ATL2: variants seen among roughly 807,000 people sequenced by gnomAD.
ATL2 encodes atlastin-2.
ATL2 carries 31 observed loss-of-function variants against 73.9 expected under a neutral mutation model. The observed-to-expected ratio is 0.42, with a 90% CI of 0.32 to 0.57. ATL2 has a LOEUF of 0.57. ATL2 is among the 20% of genes least tolerant of loss of function. The pLI, the probability that ATL2 is intolerant of heterozygous loss-of-function variation, is 0.14. For synonymous variants in ATL2, 291 were observed against 237.5 expected (o/e 1.23, Z -2.07); for missense variants, 738 against 702.6 (o/e 1.05, Z -0.57).
intron 6 of ATL2, 34 bp from the exon 7 acceptor site, chr2:38,313,277 A>G: frequency 1.1e-5 from 16 of 1,487,914 alleles, no homozygotes; most frequent in Non-Finnish European, 1.5e-5. Context: ...TGTTTATTTT[A>G]CAATAAAGAA....
intron 1 of ATL2, among the ~76,000 whole-genome samples, chr2:38,364,215 T>C (rs1037482839): frequency 1.5e-4 from 23 of 152,080 alleles, no homozygotes; most frequent in African/African-American, 5.6e-4. Flanking sequence ...TGAGCCGAGA[T>C]TGTACCACTG....
At chr2:38,327,339 G>GT (rs1668721170) in intron 2 of ATL2, among the ~76,000 whole-genome samples, 1 of 151,976 alleles carries the variant, frequency 6.6e-6, no homozygotes, top group Non-Finnish European at 1.5e-5. Context: ...ATACGCTAAG[G>GT]TAACTGCACT....
intron 1 of ATL2, among the ~76,000 whole-genome samples, chr2:38,370,868 T>TG (rs1270784432): frequency 1.4e-5 from 2 of 139,536 alleles, no homozygotes; most frequent in Admixed American, 7.5e-5. Flanking sequence ...ATGGCGGGGG[T>TG]GGGGGGTGCA....
chr2:38,320,086 A>C (rs1220274902), intron 2 of ATL2, among the ~76,000 whole-genome samples: 3 of 152,106 alleles, frequency 2.0e-5, no homozygotes, highest in Non-Finnish European at 2.9e-5. Flanking sequence ...CAGCCTGGCC[A>C]AAAGAGCGAA....
chr2:38,303,412 C>T (rs1667285136), intron 9 of ATL2, among the ~76,000 whole-genome samples: 1 of 151,774 alleles, frequency 6.6e-6, no homozygotes, highest in Non-Finnish European at 1.5e-5. Flanking sequence ...CACCATGTTG[C>T]CCAGACTGGT....
chr2:38,323,995 G>A (rs939821142), intron 2 of ATL2, among the ~76,000 whole-genome samples: 3 of 152,222 alleles, frequency 2.0e-5, no homozygotes, highest in East Asian at 1.9e-4. Context: ...GATCCAAGTG[G>A]GCCGGTAAGG....
At chr2:38,300,369 A>G (rs1334964143) in intron 9 of ATL2, 41 bp from the exon 10 acceptor site, 1 of 1,428,548 alleles carries the variant, frequency 7.0e-7, no homozygotes, top group Non-Finnish European at 9.9e-7. Context: ...GGATTATGCA[A>G]TTTGGCTCCA....
rs561992226 is a variant in ATL2 at position 38,298,585 on chromosome 2, C to T, written c.1201-10G>A. On this transcript the variant is annotated splice_polypyrimidine_tract_variant and intron_variant, in intron 11 of 12. Coordinates refer to ENST00000378954, the MANE Select transcript of ATL2 (RefSeq NM_001135673.4). The stretch of plus-strand genomic sequence containing the variant: ...TGTCCCCTCCACATACCTGGACAGA[C>T]AGAATTACAGTATTACATGCTAGAA... 1.2e-6 allele frequency: 2 copies of T among 1,602,338 alleles called. No homozygotes were observed. The highest frequency in any genetic ancestry group is 1.3e-5 in the African/African-American group (1 of 74,284).
intron 1 of ATL2, among the ~76,000 whole-genome samples, chr2:38,364,788 T>C (rs1671211225): frequency 1.3e-5 from 2 of 152,234 alleles, no homozygotes; most frequent in South Asian, 2.1e-4. Context: ...CTTGCGCCTG[T>C]AATCCCAGCA....
At chr2:38,328,330 A>C (rs1668784597) in intron 2 of ATL2, among the ~76,000 whole-genome samples, 1 of 152,200 alleles carries the variant, frequency 6.6e-6, no homozygotes, top group African/African-American at 2.4e-5. Flanking sequence ...AATCAAATGG[A>C]TCTGACATTA....
At chr2:38,370,448 C>CAAAAAAAAAAAAAAAA (rs55964015) in intron 1 of ATL2, among the ~76,000 whole-genome samples, 1 of 55,188 alleles carries the variant, frequency 1.8e-5, no homozygotes, top group Non-Finnish European at 3.8e-5. Flanking sequence ...GACTCTGTCC[C>CAAAAAAAAAAAAAAAA]AAAAAAAAAA....
intron 2 of ATL2, among the ~76,000 whole-genome samples, chr2:38,338,511 T>C (rs999418876): frequency 4.7e-5 from 7 of 148,322 alleles, no homozygotes; most frequent in African/African-American, 1.8e-4. Flanking sequence ...CAAGTATAAA[T>C]GAGCCCACAC....
chr2:38,349,076 G>C (rs529686894), intron 1 of ATL2, among the ~76,000 whole-genome samples: 1 of 149,946 alleles, frequency 6.7e-6, no homozygotes, highest in Non-Finnish European at 1.5e-5. Context: ...CTGTTGGTGG[G>C]ACTGTAAACT....
chr2:38,331,081 G>T (rs1393481104), intron 2 of ATL2, among the ~76,000 whole-genome samples: 2 of 151,966 alleles, frequency 1.3e-5, no homozygotes, highest in Non-Finnish European at 2.9e-5. Context: ...CAGATTGCCT[G>T]AGCGCAGGAG....
intron 2 of ATL2, among the ~76,000 whole-genome samples, chr2:38,334,882 ATAAT>A (rs1669229551): frequency 7.3e-6 from 1 of 137,164 alleles, no homozygotes; most frequent in African/African-American, 2.6e-5. Context: ...TATATATTAT[ATAAT>A]ATATAATATA....
intron 9 of ATL2, among the ~76,000 whole-genome samples, chr2:38,303,821 C>A (rs1473280728): frequency 6.6e-6 from 1 of 152,080 alleles, no homozygotes; most frequent in Non-Finnish European, 1.5e-5. Flanking sequence ...AAGCAAACTC[C>A]CAAAGGTCAA....
rs371414390 is a variant in ATL2, at chr2:38,307,764, G to GA, written c.1071+1614dup. Among the ~76,000 whole-genome samples the GA allele has an allele frequency of 6.1e-3, 857 of 139,466 alleles. 8 individuals carry two copies. Among genetic ancestry groups the GA allele is most frequent in the African/African-American group, 0.023 (805 of 35,552 alleles). The allele number at this position is 139,466 out of a possible 152,430, so 91.5% of individuals were successfully genotyped here. A position where few individuals can be genotyped will look rare whatever the true frequency, so the allele number is the denominator to read the frequency against. On this transcript the variant is annotated intron_variant, in intron 9 of 12. Transcript: ENST00000378954. ...AGTTCAAACAACTCTACAGGGAAAA[G>GA]AAAAAAAAATCAAATGATCTGATCA... is the stretch of plus-strand genomic sequence containing the variant.
chr2:38,351,385 G>T (rs1038412634), intron 1 of ATL2, among the ~76,000 whole-genome samples: 1 of 151,894 alleles, frequency 6.6e-6, no homozygotes, highest in African/African-American at 2.4e-5. Flanking sequence ...TTAATGTTGC[G>T]TACCTCAAAA....
At position 38,318,578 on chromosome 2, in the gene ATL2, C is replaced by T. The variant is rs1292733775; in HGVS notation, c.560G>A (p.Cys187Tyr). The change falls in exon 4 of 13, where the codon TGT becomes TAT. Residue 187 changes from cysteine to tyrosine, a missense_variant. Transcript: ENST00000378954. ...AGTGCTCAGAGCAAACACCGTTGCA[C>T]AGTCTTTGATAGTTGACTGGCTATC... ...AFDSQSTIKD[C>Y]ATVFALSTMT... is the part of the protein sequence containing the mutation. 1 of 1,612,520 alleles carries T rather than the reference C, an allele frequency of 6.2e-7. No individual in the cohort carries two copies. Among genetic ancestry groups the T allele is most frequent in the African/African-American group, 1.3e-5 (1 of 74,788 alleles).
Sources: allele counts gnomAD v4.1 joint callset (sites outside exome capture counted in the v4.1 genomes callset), GRCh38; gene constraint gnomAD v4.1.1; transcripts MANE v1.5; gene names NCBI Gene and HGNC (gene_info 2026-07-23, HGNC 2026-07-21).